IGBP1C: variants seen among roughly 807,000 people sequenced by gnomAD.
The protein encoded by IGBP1C is immunoglobulin-binding protein 1 family member C.
the IGBP1C span, among the ~76,000 whole-genome samples, chr17:58,666,303 G>A: frequency 6.6e-6 from 1 of 151,796 alleles, no homozygotes; most frequent in Admixed American, 6.6e-5. Flanking sequence ...AGCCGAGATT[G>A]CTCCACTGCA....
chr17:58,674,568 G>A, the IGBP1C span, among the ~76,000 whole-genome samples: 14 of 151,540 alleles, frequency 9.2e-5, no homozygotes, highest in Admixed American at 2.6e-4. Flanking sequence ...TACTCGAGAC[G>A]GAGAGGCACA....
At chr17:58,666,702 T>C in the IGBP1C span, 1 of 152,160 alleles carries the variant, frequency 6.6e-6, no homozygotes, top group Non-Finnish European at 1.5e-5. Flanking sequence ...AATTATGAGG[T>C]ACTTGCGTGA....
chr17:58,680,941 C>A, the IGBP1C span, among the ~76,000 whole-genome samples: 2 of 152,084 alleles, frequency 1.3e-5, no homozygotes, highest in African/African-American at 4.8e-5. Flanking sequence ...TCACTGACTT[C>A]AAGCTCACGG....
the IGBP1C span, among the ~76,000 whole-genome samples, chr17:58,667,065 T>G: frequency 2.6e-5 from 4 of 152,182 alleles, no homozygotes; most frequent in Non-Finnish European, 4.4e-5. Flanking sequence ...ACCACCTCAC[T>G]ACTTTTGGCG....
chr17:58,661,471 C>G, the IGBP1C span: 3 of 782,238 alleles, frequency 3.8e-6, no homozygotes, highest in African/African-American at 3.4e-5. Flanking sequence ...CCTTGAACAC[C>G]TTTTCCTGGA....
At chr17:58,661,537 G>C in the IGBP1C span, 1 of 776,894 alleles carries the variant, frequency 1.3e-6, no homozygotes, top group Middle Eastern at 2.3e-4. Flanking sequence ...GAAGCTGTTT[G>C]CTGGAATCGA....
At chr17:58,685,190 T>C in the IGBP1C span, among the ~76,000 whole-genome samples, 4 of 151,926 alleles carry the variant, frequency 2.6e-5, no homozygotes, top group Non-Finnish European at 4.4e-5. Context: ...TTGAAGCACG[T>C]TGGGAGGCCG....
chr17:58,661,705 G>C, the IGBP1C span: 9 of 583,398 alleles, frequency 1.5e-5, no homozygotes, highest in Non-Finnish European at 2.7e-5. Context: ...CTGCACGGCA[G>C]GGCAGTCAGG....
At chr17:58,687,577 C>T in the IGBP1C span, among the ~76,000 whole-genome samples, 5 of 152,120 alleles carry the variant, frequency 3.3e-5, no homozygotes, top group African/African-American at 9.6e-5. Flanking sequence ...AAGTGATCCA[C>T]CCACCTAAGC....
chr17:58,672,682 A>G, the IGBP1C span, among the ~76,000 whole-genome samples: 1 of 150,212 alleles, frequency 6.7e-6, no homozygotes, highest in Non-Finnish European at 1.5e-5. Flanking sequence ...TTGGCCACCC[A>G]AAGTGCTGGG....
the IGBP1C span, chr17:58,675,230 C>T: frequency 2.6e-5 from 4 of 151,846 alleles, no homozygotes; most frequent in African/African-American, 9.7e-5. Flanking sequence ...AAATCAAAAT[C>T]ACCATGAAAT....
At chr17:58,675,552 G>A in the IGBP1C span, 5 of 152,128 alleles carry the variant, frequency 3.3e-5, no homozygotes, top group African/African-American at 1.2e-4. Context: ...GACAATCTCT[G>A]GCTCTTTCTA....
the IGBP1C span, among the ~76,000 whole-genome samples, chr17:58,673,810 C>CGG: frequency 6.6e-6 from 1 of 151,956 alleles, no homozygotes; most frequent in African/African-American, 2.4e-5. Flanking sequence ...TTGGCTCAGG[C>CGG]GATCCTCCCA....
the IGBP1C span, among the ~76,000 whole-genome samples, chr17:58,687,095 T>C: frequency 6.6e-6 from 1 of 151,920 alleles, no homozygotes; most frequent in South Asian, 2.1e-4. Context: ...GGCTCTATGA[T>C]CAAACACCAA....
the IGBP1C span, among the ~76,000 whole-genome samples, chr17:58,664,997 G>A: frequency 6.6e-6 from 1 of 152,068 alleles, no homozygotes; most frequent in African/African-American, 2.4e-5. Context: ...ATTCCAGGAA[G>A]AGCAGGCATG....
the IGBP1C span, among the ~76,000 whole-genome samples, chr17:58,682,272 T>G: frequency 6.7e-6 from 1 of 150,196 alleles, no homozygotes; most frequent in Admixed American, 6.6e-5. Context: ...CTTTTTTTTT[T>G]TTTGTGACAG....
chr17:58,679,931 G>T, the IGBP1C span, among the ~76,000 whole-genome samples: 1 of 152,128 alleles, frequency 6.6e-6, no homozygotes, highest in Admixed American at 6.6e-5. Flanking sequence ...CCCTTTGGAT[G>T]ATCTCATTCA....
At chr17:58,663,310 T>A in the IGBP1C span, among the ~76,000 whole-genome samples, 1 of 147,070 alleles carries the variant, frequency 6.8e-6, no homozygotes, top group Non-Finnish European at 1.5e-5. Flanking sequence ...TAATCCCAGC[T>A]ACTTGGGAGG....
the IGBP1C span, among the ~76,000 whole-genome samples, chr17:58,667,401 T>G: frequency 6.6e-6 from 1 of 152,170 alleles, no homozygotes; most frequent in Non-Finnish European, 1.5e-5. Context: ...ACGAACAGCT[T>G]AAACCTTAAA....
Sources: allele counts gnomAD v4.1 joint callset (sites outside exome capture counted in the v4.1 genomes callset), GRCh38; gene constraint gnomAD v4.1.1; transcripts MANE v1.5; gene names NCBI Gene and HGNC (gene_info 2026-07-23, HGNC 2026-07-21).